The following ATXN7L1 variants were observed in gnomAD, a reference collection of about 807,000 sequenced individuals.
ATXN7L1 encodes ataxin 7 like 1.
Under a neutral mutation model 70.8 loss-of-function variants are expected in ATXN7L1, and 15 were observed. That is an observed-to-expected ratio of 0.21 (90% confidence interval 0.14 to 0.33). The LOEUF is 0.33. Among genes scored for constraint, ATXN7L1 ranks in the 10% least tolerant of loss-of-function variants. The pLI is 1.00. For synonymous variants in ATXN7L1, 440 were observed against 445.1 expected, an observed-to-expected ratio of 0.99 and a Z score of 0.14; for missense variants, 975 against 1,097.1, an observed-to-expected ratio of 0.89 and a Z score of 1.57.
At chr7:105,682,961 A>T (rs1340202654) in intron 3 of ATXN7L1, among the ~76,000 whole-genome samples, 2 of 152,246 alleles carry the variant, frequency 1.3e-5, no homozygotes, top group Non-Finnish European at 2.9e-5. Context: ...TCCAAATTTT[A>T]AAAAAGCCTG....
At chr7:105,630,408 C>G (rs141500641) in intron 7 of ATXN7L1, among the ~76,000 whole-genome samples, 1 of 152,204 alleles carries the variant, frequency 6.6e-6, no homozygotes, top group East Asian at 1.9e-4. Flanking sequence ...TAATAGGAAT[C>G]TCTCATTTTG....
chr7:105,874,667 T>A (rs1374773990), intron 2 of ATXN7L1, among the ~76,000 whole-genome samples: 1 of 152,238 alleles, frequency 6.6e-6, no homozygotes. Flanking sequence ...TCATGTTATT[T>A]TTTCTGAAGC....
intron 3 of ATXN7L1, among the ~76,000 whole-genome samples, chr7:105,680,074 TAAAA>T (rs35358930): frequency 3.6e-4 from 48 of 133,440 alleles, no homozygotes; most frequent in African/African-American, 1.3e-3. Flanking sequence ...TGCCTTTTAG[TAAAA>T]AAAAAAAAAA....
At chr7:105,867,392 C>G (rs777583145) in intron 2 of ATXN7L1, among the ~76,000 whole-genome samples, 14 of 152,178 alleles carry the variant, frequency 9.2e-5, no homozygotes, top group African/African-American at 3.4e-4. Flanking sequence ...CTTTTGACAT[C>G]GGGGGCCACT....
intron 3 of ATXN7L1, among the ~76,000 whole-genome samples, chr7:105,738,401 C>T (rs559958833): frequency 6.6e-6 from 1 of 152,340 alleles, no homozygotes; most frequent in East Asian, 1.9e-4. Context: ...GTGATGAATA[C>T]TTCAAGGTCT....
In ATXN7L1 at chr7:105,800,703, TG is replaced by T. The variant is rs1323827675; in HGVS notation, c.251-11996del. Among the ~76,000 whole-genome samples, 6 of 152,250 alleles carry T rather than the reference TG, an allele frequency of 3.9e-5. No homozygotes were observed. In the East Asian group the frequency reaches 1.2e-3, roughly 29 times the overall value. On this transcript the variant is annotated intron_variant, in intron 2 of 11. Transcript: ENST00000419735. The stretch of plus-strand genomic sequence containing the variant: ...TGGAATGAGCAACAAATTCCTGTTC[TG>T]CCTCCAGTTGGCTGTGCAACACAGG...
intron 3 of ATXN7L1, among the ~76,000 whole-genome samples, chr7:105,689,453 T>C (rs181513881): frequency 1.3e-5 from 2 of 152,242 alleles, no homozygotes; most frequent in Non-Finnish European, 2.9e-5. Context: ...TTACTGCCAC[T>C]CCTCCCAGCT....
chr7:105,856,279 T>C (rs959109332), intron 2 of ATXN7L1, among the ~76,000 whole-genome samples: 2 of 152,176 alleles, frequency 1.3e-5, no homozygotes, highest in Non-Finnish European at 2.9e-5. Flanking sequence ...CTATAGACTA[T>C]ATGAAATCTA....
intron 3 of ATXN7L1, among the ~76,000 whole-genome samples, chr7:105,726,513 C>T (rs964968694): frequency 2.6e-5 from 4 of 152,212 alleles, no homozygotes; most frequent in African/African-American, 9.7e-5. Flanking sequence ...AGCGCTGTCA[C>T]CTTCCCCTCT....
intron 3 of ATXN7L1, among the ~76,000 whole-genome samples, chr7:105,739,470 C>T (rs1797774257): frequency 6.6e-6 from 1 of 152,146 alleles, no homozygotes; most frequent in Non-Finnish European, 1.5e-5. Flanking sequence ...CTAGCCAGGG[C>T]AACCACATTT....
chr7:105,649,015 G>A (rs747910837), intron 4 of ATXN7L1, among the ~76,000 whole-genome samples: 6 of 149,994 alleles, frequency 4.0e-5, no homozygotes, highest in Non-Finnish European at 8.8e-5. Flanking sequence ...TTGCTTAGGT[G>A]ACAAACAAGC....
chr7:105,869,825 T>C lies in ATXN7L1; in HGVS notation c.250+5987A>G, dbSNP rs539957461. Among the ~76,000 whole-genome samples, 6 of 151,892 alleles carry C rather than the reference T, an allele frequency of 4.0e-5. No individual in the cohort carries two copies. The East Asian group carries it at 7.7e-4, about 20-fold the overall frequency. ...ACTTTTTTTTTTCTCAGTGATAAAA[T>C]AAAACAACTTATCGATCATTGAAAA... On this transcript the variant is annotated intron_variant, in intron 2 of 11. Coordinates refer to ENST00000419735, the MANE Select transcript of ATXN7L1 (RefSeq NM_020725.2).
intron 3 of ATXN7L1, among the ~76,000 whole-genome samples, chr7:105,677,616 C>CT (rs1445974740): frequency 6.6e-6 from 1 of 152,206 alleles, no homozygotes; most frequent in African/African-American, 2.4e-5. Flanking sequence ...TAGAAGGTGG[C>CT]TACCACAGTG....
intron 3 of ATXN7L1, among the ~76,000 whole-genome samples, chr7:105,730,423 A>G (rs573966665): frequency 1.3e-5 from 2 of 152,164 alleles, no homozygotes; most frequent in South Asian, 4.1e-4. Context: ...AAAGCCTGAG[A>G]GACTGGCACA....
At chr7:105,630,675 C>T (rs1200396335) in intron 7 of ATXN7L1, among the ~76,000 whole-genome samples, 2 of 151,902 alleles carry the variant, frequency 1.3e-5, no homozygotes, top group East Asian at 1.9e-4. Context: ...TGAGATCATG[C>T]CACTGCACTC....
intron 2 of ATXN7L1, among the ~76,000 whole-genome samples, chr7:105,814,955 T>C (rs979594702): frequency 6.6e-6 from 1 of 152,150 alleles, no homozygotes; most frequent in South Asian, 2.1e-4. Context: ...AAAAGATCAT[T>C]TACTAGAAAC....
At chr7:105,819,632 C>A in intron 2 of ATXN7L1, 1 of 884,502 alleles carries the variant, frequency 1.1e-6, no homozygotes, top group Non-Finnish European at 1.9e-6. Context: ...CTGGCCATTT[C>A]TACAGATACA....
Position 105,668,162 on chromosome 7 carries a change from G to A in ATXN7L1, c.356-2874C>T, listed in dbSNP as rs553179579. ...GACAAAATAAATGTGCCAGGCCAGT[G>A]ATTCTACAATCACCTTCTAAAAGAA... On this transcript the variant is annotated intron_variant, in intron 3 of 11. Transcript: ENST00000419735. Among the ~76,000 whole-genome samples, 14 of 152,318 alleles carry A rather than the reference G, an allele frequency of 9.2e-5. No individual in the cohort carries two copies. In the South Asian group the frequency reaches 2.9e-3, roughly 32 times the overall value.
At chr7:105,683,661 C>T (rs1314484755) in intron 3 of ATXN7L1, among the ~76,000 whole-genome samples, 6 of 151,968 alleles carry the variant, frequency 3.9e-5, no homozygotes, top group Admixed American at 1.3e-4. Context: ...GGTGACAGAG[C>T]GAGATTCCGT....
Sources: gnomAD v4.1 joint callset for allele counts (sites outside exome capture counted in the v4.1 genomes callset) on GRCh38, gnomAD v4.1.1 for gene constraint, MANE v1.5 for transcripts, NCBI Gene and HGNC (gene_info 2026-07-23, HGNC 2026-07-21) for gene names.